The following AGBL4 variants were observed in gnomAD, a reference collection of about 807,000 sequenced individuals.
AGBL4 encodes the protein cytosolic carboxypeptidase 6.
AGBL4 carries 58 observed loss-of-function variants against 66.4 expected under a neutral mutation model. The ratio of observed to expected loss-of-function variants is 0.87; its 90% CI spans 0.71 to 1.09. AGBL4 has a LOEUF of 1.09. Among genes scored for constraint, AGBL4 ranks in the 50% least tolerant of loss-of-function variants. The probability of loss-of-function intolerance (pLI) is 0.00; values close to 1 mark genes in which losing one functional copy is unlikely to be tolerated. For missense variants in AGBL4, 579 were observed against 631.0 expected (o/e 0.92, Z 0.88); for synonymous variants, 234 against 222.9 (o/e 1.05, Z -0.44).
At chr1:49,024,056 C>A (rs1285380456) in intron 5 of AGBL4, among the ~76,000 whole-genome samples, 1 of 151,952 alleles carries the variant, frequency 6.6e-6, no homozygotes, top group African/African-American at 2.4e-5. Flanking sequence ...GATATAGGGT[C>A]AATCAAGAAG....
chr1:49,217,068 CT>C (rs1302473492), intron 4 of AGBL4, among the ~76,000 whole-genome samples: 1 of 152,020 alleles, frequency 6.6e-6, no homozygotes, highest in Non-Finnish European at 1.5e-5. Flanking sequence ...GCATGTGCCC[CT>C]ATTAGACCTT....
At chr1:49,538,303 C>T (rs1410269237) in intron 3 of AGBL4, among the ~76,000 whole-genome samples, 2 of 152,160 alleles carry the variant, frequency 1.3e-5, no homozygotes, top group East Asian at 1.9e-4. Flanking sequence ...TGCAGCAACA[C>T]CAGTGGAACT....
intron 3 of AGBL4, among the ~76,000 whole-genome samples, chr1:49,530,570 G>C (rs1393572923): frequency 6.6e-6 from 1 of 151,896 alleles, no homozygotes; most frequent in Non-Finnish European, 1.5e-5. Flanking sequence ...CTCTGAAATA[G>C]TCTCTTAAAA....
chr1:48,710,189 A>C (rs1646944312), intron 6 of AGBL4, among the ~76,000 whole-genome samples: 1 of 152,068 alleles, frequency 6.6e-6, no homozygotes, highest in Non-Finnish European at 1.5e-5. Context: ...CCTGCCTTGG[A>C]GGGAGGAGAA....
chr1:48,776,568 G>T, intron 6 of AGBL4: 3 of 476,936 alleles, frequency 6.3e-6, no homozygotes, highest in Non-Finnish European at 9.6e-6. Flanking sequence ...CCCAGCCCCC[G>T]CCCGGGTCCC....
rs1215165279 is a variant in AGBL4 at position 49,845,296 on chromosome 1, C to A, written c.157+6100G>T. On this transcript the variant is annotated intron_variant, in intron 2 of 13. Coordinates refer to ENST00000371839, the MANE Select transcript of AGBL4 (RefSeq NM_032785.4). ...CAACCAAATTGCCCCACTGATCCAG[C>A]ACCAGAGAACTCACACAGGCGAGAA... 3.9e-6 allele frequency: 6 copies of A among 1,557,338 alleles called. No individual in the cohort carries two copies. In the African/African-American group the frequency reaches 8.1e-5, roughly 21 times the overall value.
chr1:49,305,515 G>C (rs1644833720), intron 3 of AGBL4, among the ~76,000 whole-genome samples: 1 of 152,124 alleles, frequency 6.6e-6, no homozygotes, highest in Non-Finnish European at 1.5e-5. Context: ...AGGGACAACT[G>C]TATTTGTTGA....
chr1:49,130,945 C>A (rs1246169030), intron 4 of AGBL4, among the ~76,000 whole-genome samples: 2 of 151,940 alleles, frequency 1.3e-5, no homozygotes, highest in African/African-American at 4.8e-5. Context: ...AAATTGTATG[C>A]CTTCAAAAAA....
chr1:49,367,806 T>G (rs959558946), intron 3 of AGBL4, among the ~76,000 whole-genome samples: 2 of 152,216 alleles, frequency 1.3e-5, no homozygotes, highest in Admixed American at 6.5e-5. Context: ...ATTTACCAAT[T>G]CAGTGGCACC....
chr1:48,898,727 T>C (rs1017496128), intron 5 of AGBL4, among the ~76,000 whole-genome samples: 1 of 152,192 alleles, frequency 6.6e-6, no homozygotes, highest in African/African-American at 2.4e-5. Flanking sequence ...GGTAGTGTGA[T>C]GCTTCCAGCC....
At chr1:48,933,206 A>C (rs1571033845) in intron 5 of AGBL4, among the ~76,000 whole-genome samples, 2 of 152,200 alleles carry the variant, frequency 1.3e-5, no homozygotes, top group African/African-American at 2.4e-5. Flanking sequence ...ACATATGTGT[A>C]TGTGTATTTG....
In AGBL4 at chr1:48,838,722, A is replaced by G. The variant is rs143288134; in HGVS notation, c.634+28469T>C. 7.4e-4 allele frequency among the ~76,000 whole-genome samples: 113 copies of G among 152,308 alleles called. 2 individuals carry two copies. The East Asian group carries it at 0.018, about 24-fold the overall frequency. ...GAAGCTAAAAAGCTTTTATACACCA[A>G]AGGAAACAATCAACAAAGTGAAGAG... is the stretch of plus-strand genomic sequence containing the variant. On this transcript the variant is annotated intron_variant, in intron 6 of 13. Transcript: ENST00000371839.
At chr1:49,682,820 T>C (rs1371053344) in intron 3 of AGBL4, among the ~76,000 whole-genome samples, 1 of 152,204 alleles carries the variant, frequency 6.6e-6, no homozygotes, top group Non-Finnish European at 1.5e-5. Context: ...GAACCTGTCC[T>C]AGGAAGACAA....
intron 3 of AGBL4, among the ~76,000 whole-genome samples, chr1:49,449,678 A>G (rs1258616365): frequency 1.3e-5 from 2 of 152,030 alleles, no homozygotes. Flanking sequence ...AGACACAGGT[A>G]CAAGAGGTTG....
At chr1:49,431,669 C>G (rs1645789864) in intron 3 of AGBL4, among the ~76,000 whole-genome samples, 1 of 151,874 alleles carries the variant, frequency 6.6e-6, no homozygotes, top group Non-Finnish European at 1.5e-5. Context: ...AAAATATGAC[C>G]CACTAATTCC....
rs528970742 is a variant in AGBL4, at chr1:49,158,169, A to C, written c.377+87601T>G. ...GAACCCCTTCCTTACACCTTATACA[A>C]AAATTAACTCAAGATGGATTAAAGA... On this transcript the variant is annotated intron_variant, in intron 4 of 13. Coordinates refer to ENST00000371839, the MANE Select transcript of AGBL4 (RefSeq NM_032785.4). 1.2e-4 allele frequency among the ~76,000 whole-genome samples: 19 copies of C among 152,304 alleles called. No homozygotes were observed. In the East Asian group the frequency reaches 3.7e-3, roughly 29 times the overall value.
intron 4 of AGBL4, among the ~76,000 whole-genome samples, chr1:49,065,781 C>T (rs1034466117): frequency 1.3e-5 from 2 of 152,166 alleles, no homozygotes; most frequent in African/African-American, 4.8e-5. Flanking sequence ...GAGTAAGATT[C>T]CTTTTCCAGG....
chr1:49,029,904 G>A (rs1402927991), intron 5 of AGBL4, among the ~76,000 whole-genome samples: 2 of 152,064 alleles, frequency 1.3e-5, no homozygotes, highest in East Asian at 1.9e-4. Context: ...TTTGACAAGG[G>A]TACCAAGACA....
intron 2 of AGBL4, among the ~76,000 whole-genome samples, chr1:49,822,359 C>T (rs1358947398): frequency 2.0e-5 from 3 of 151,662 alleles, no homozygotes; most frequent in East Asian, 1.9e-4. Flanking sequence ...GACGGAGTCT[C>T]GCTCTGTCAC....
Sources: gnomAD v4.1 joint callset for allele counts (sites outside exome capture counted in the v4.1 genomes callset) on GRCh38, gnomAD v4.1.1 for gene constraint, MANE v1.5 for transcripts, NCBI Gene and HGNC (gene_info 2026-07-23, HGNC 2026-07-21) for gene names.